The following RAB12 variants were observed in gnomAD, a reference collection of about 807,000 sequenced individuals.
RAB12 encodes the protein ras-related protein Rab-12.
Under a neutral mutation model 28.4 loss-of-function variants are expected in RAB12, and 11 were observed. The observed-to-expected ratio is 0.39, with a 90% CI of 0.24 to 0.64. RAB12 has a LOEUF of 0.64. Among genes scored for constraint, RAB12 ranks in the 30% least tolerant of loss-of-function variants. The pLI, the probability that RAB12 is intolerant of heterozygous loss-of-function variation, is 0.50. For missense variants in RAB12, 276 were observed against 351.1 expected, an observed-to-expected ratio of 0.79 and a Z score of 1.71; for synonymous variants, 138 against 145.3, an observed-to-expected ratio of 0.95 and a Z score of 0.36.
At position 8,633,564 on chromosome 18, in the gene RAB12, C is replaced by T. The variant is rs75624665; in HGVS notation, c.714+237C>T. ...CTGGTATCCTGGACTGTCTCAACTA[C>T]AGAGGCCAAACATGCTCATTCCACT... On this transcript the variant is annotated intron_variant, in intron 3 of 5. Transcript: ENST00000649141. 3.8e-3 allele frequency among the ~76,000 whole-genome samples: 585 copies of T among 152,280 alleles called. 2 individuals carry two copies. The highest frequency in any genetic ancestry group is 0.014 in the African/African-American group (563 of 41,566).
chr18:8,619,373 A>G (rs545645818), intron 1 of RAB12, among the ~76,000 whole-genome samples: 1 of 152,334 alleles, frequency 6.6e-6, no homozygotes, highest in East Asian at 1.9e-4. Context: ...GTAACTTCTT[A>G]TGGCCCAGCA....
chr18:8,635,668 C>CT, intron 4 of RAB12, 46 bp downstream of exon 4: 1 of 1,160,260 alleles, frequency 8.6e-7, no homozygotes, highest in Non-Finnish European at 1.2e-6. Flanking sequence ...GTGCTTAGCG[C>CT]TTGAGGTACT....
At chr18:8,636,152 T>TA in intron 4 of RAB12, 101 bp from the exon 5 acceptor site, 2 of 768,422 alleles carry the variant, frequency 2.6e-6, no homozygotes, top group Non-Finnish European at 4.6e-6. Flanking sequence ...TTCTACCCCT[T>TA]AATCCCAGCC....
chr18:8,627,489 A>G (rs2096013407), intron 2 of RAB12, among the ~76,000 whole-genome samples: 1 of 152,168 alleles, frequency 6.6e-6, no homozygotes, highest in African/African-American at 2.4e-5. Context: ...CACATATTTC[A>G]GTTTGTTGAT....
At chr18:8,631,186 G>A (rs930383495) in intron 2 of RAB12, among the ~76,000 whole-genome samples, 28 of 152,190 alleles carry the variant, frequency 1.8e-4, no homozygotes, top group African/African-American at 5.1e-4. Context: ...CACTGCGCCC[G>A]GCCTAACAAG....
intron 1 of RAB12, among the ~76,000 whole-genome samples, chr18:8,618,332 G>A (rs529957321): frequency 7.2e-5 from 11 of 152,230 alleles, no homozygotes; most frequent in African/African-American, 2.4e-4. Flanking sequence ...ATGACGCATA[G>A]TAACATTAGG....
intron 1 of RAB12, among the ~76,000 whole-genome samples, chr18:8,612,436 A>G (rs2096004349): frequency 6.6e-6 from 1 of 152,130 alleles, no homozygotes; most frequent in Non-Finnish European, 1.5e-5. Context: ...TTCTAGTTTC[A>G]TCTTCATGTA....
intron 2 of RAB12, among the ~76,000 whole-genome samples, chr18:8,627,822 A>G (rs1368079805): frequency 6.6e-6 from 1 of 152,208 alleles, no homozygotes; most frequent in African/African-American, 2.4e-5. Context: ...TTAGGTCAGC[A>G]TCATTCCTTT....
rs996312580 is a variant in RAB12 at position 8,631,710 on chromosome 18, G to A, written c.576-1479G>A. Among the ~76,000 whole-genome samples the A allele has an allele frequency of 2.0e-5, 3 of 152,166 alleles. No homozygotes were observed. In the East Asian group the frequency reaches 5.8e-4, roughly 29 times the overall value. Reference sequence around the variant, plus strand: ...TTGTAAGGGGAAGAAATATGGTCAAGTGCACATCTATAATTTAGAGTATTA... The same window carrying A: ...TTGTAAGGGGAAGAAATATGGTCAAATGCACATCTATAATTTAGAGTATTA... On this transcript the variant is annotated intron_variant, in intron 2 of 5. Coordinates refer to ENST00000649141, the MANE Select transcript of RAB12 (RefSeq NM_001025300.3).
At position 8,633,213 on chromosome 18, in the gene RAB12, C is replaced by G. The variant is rs1286276077; in HGVS notation, c.600C>G (p.Phe200Leu). The change falls in exon 3 of 6, where the codon TTC (phenylalanine) becomes TTG (leucine). Residue 200 changes from phenylalanine to leucine, a missense_variant. This residue lies in a region of RAB12 where 1 missense variants were observed against 16.3 expected (regional missense o/e 0.06). Transcript: ENST00000649141. ...GGGACACAGCAGGTCAGGAGAGATT[C>G]AACAGCATTACCTCAGCTTATTACA... is the stretch of plus-strand genomic sequence containing the variant. The part of the protein sequence containing the change: ...QIWDTAGQER[F>L]NSITSAYYRS... 2 of 1,613,970 alleles carry G rather than the reference C, an allele frequency of 1.2e-6. No individual in the cohort carries two copies. The highest frequency in any genetic ancestry group is 2.7e-5 in the African/African-American group (2 of 74,904).
At chr18:8,615,791 A>G (rs1415659153) in intron 1 of RAB12, among the ~76,000 whole-genome samples, 2 of 152,244 alleles carry the variant, frequency 1.3e-5, no homozygotes, top group Non-Finnish European at 2.9e-5. Context: ...ATGTTGAATA[A>G]AAATCTATTT....
intron 1 of RAB12, among the ~76,000 whole-genome samples, chr18:8,620,311 C>T (rs1228596630): frequency 6.6e-6 from 1 of 152,064 alleles, no homozygotes; most frequent in Non-Finnish European, 1.5e-5. Context: ...GAAAAGCAAG[C>T]TCCTCTCACC....
At chr18:8,631,844 C>T (rs550963407) in intron 2 of RAB12, among the ~76,000 whole-genome samples, 1 of 152,152 alleles carries the variant, frequency 6.6e-6, no homozygotes, top group East Asian at 1.9e-4. Context: ...TAAAAAATTA[C>T]TTTCATGCTT....
chr18:8,637,916 C>T (rs1479125594), intron 5 of RAB12, among the ~76,000 whole-genome samples: 1 of 152,050 alleles, frequency 6.6e-6, no homozygotes. Context: ...GTCATCTTCA[C>T]ATTGAGTAGG....
intron 3 of RAB12, among the ~76,000 whole-genome samples, chr18:8,634,436 A>T (rs1023067421): frequency 6.6e-6 from 1 of 151,752 alleles, no homozygotes; most frequent in Non-Finnish European, 1.5e-5. Context: ...GTGGATACTG[A>T]TGTTCCCTGA....
intron 1 of RAB12, among the ~76,000 whole-genome samples, chr18:8,613,686 A>AC (rs1167616321): frequency 6.6e-6 from 1 of 152,126 alleles, no homozygotes; most frequent in East Asian, 1.9e-4. Context: ...TTAAAAACCT[A>AC]CCCCCGCCCT....
chr18:8,610,015 C>G, intron 1 of RAB12, 62 bp downstream of exon 1: 1 of 1,325,642 alleles, frequency 7.5e-7, no homozygotes, highest in Non-Finnish European at 1.1e-6. Flanking sequence ...GCCCTTCGCC[C>G]CGTGGGCTTC....
intron 2 of RAB12, chr18:8,632,888 G>C (rs940835740): frequency 8.3e-5 from 27 of 326,972 alleles, no homozygotes; most frequent in African/African-American, 5.7e-4. Flanking sequence ...CATTCCTGTT[G>C]CTGATTTTCT....
intron 1 of RAB12, among the ~76,000 whole-genome samples, chr18:8,611,520 A>G (rs1435802367): frequency 3.3e-5 from 5 of 152,166 alleles, no homozygotes; most frequent in Admixed American, 3.3e-4. Context: ...GCCTGGCAGC[A>G]GTGGAGCAGC....
Sources: allele counts gnomAD v4.1 joint callset (sites outside exome capture counted in the v4.1 genomes callset), GRCh38; gene constraint gnomAD v4.1.1; regional missense constraint gnomAD v4.1.1; transcripts MANE v1.5; gene names NCBI Gene and HGNC (gene_info 2026-07-23, HGNC 2026-07-21).